Variants in RYR3 observed in about 807,000 individuals in gnomAD.
RYR3 encodes the protein brain ryanodine receptor-calcium release channel.
Under a neutral mutation model 584.3 loss-of-function variants are expected in RYR3, and 207 were observed. That is an observed-to-expected ratio of 0.35 (90% confidence interval 0.32 to 0.40). The LOEUF (loss-of-function observed/expected upper bound fraction) is 0.40, where lower values mean the gene tolerates loss of function less well. Ranked by LOEUF, RYR3 falls within the 10% of genes least tolerant of loss-of-function variation. The pLI is 1.00. For missense variants in RYR3, 5,616 were observed against 6,089.2 expected, an observed-to-expected ratio of 0.92 and a Z score of 2.59; for synonymous variants, 2,416 against 2,248.5, an observed-to-expected ratio of 1.07 and a Z score of -2.11.
At chr15:33,428,326 G>A (rs1456150502) in intron 1 of RYR3, among the ~76,000 whole-genome samples, 1 of 152,152 alleles carries the variant, frequency 6.6e-6, no homozygotes, top group African/African-American at 2.4e-5. Context: ...GCTCTCTTGG[G>A]TTTAAAAAGC....
chr15:33,444,159 T>C (rs1474860138), intron 1 of RYR3, among the ~76,000 whole-genome samples: 1 of 152,178 alleles, frequency 6.6e-6, no homozygotes, highest in Non-Finnish European at 1.5e-5. Flanking sequence ...ATGGGTTCCC[T>C]GTGGGGTTCG....
At chr15:33,526,094 T>G (rs2054363016) in intron 3 of RYR3, among the ~76,000 whole-genome samples, 1 of 152,136 alleles carries the variant, frequency 6.6e-6, no homozygotes, top group Non-Finnish European at 1.5e-5. Flanking sequence ...TTAAAGGAAG[T>G]TAGTTTGGAG....
chr15:33,666,727 G>A (rs932721613), intron 36 of RYR3, among the ~76,000 whole-genome samples: 2 of 152,216 alleles, frequency 1.3e-5, no homozygotes, highest in Non-Finnish European at 2.9e-5. Flanking sequence ...AAGTACAAAA[G>A]AAGGTAAAAC....
intron 102 of RYR3, among the ~76,000 whole-genome samples, chr15:33,861,674 G>C (rs1236025512): frequency 3.3e-5 from 5 of 152,044 alleles, no homozygotes; most frequent in Admixed American, 6.5e-5. Flanking sequence ...ATAATATTGG[G>C]TCTTGTCAAA....
chr15:33,688,592 G>A (rs60232717), intron 38 of RYR3, among the ~76,000 whole-genome samples: 111 of 130,212 alleles, frequency 8.5e-4, no homozygotes, highest in Middle Eastern at 4.2e-3. Flanking sequence ...AAAAAAAAAA[G>A]ACATTTATGC....
At chr15:33,825,557 C>A in intron 81 of RYR3, 46 bp from the exon 82 acceptor site, 2 of 1,273,492 alleles carry the variant, frequency 1.6e-6, no homozygotes, top group Non-Finnish European at 2.3e-6. Flanking sequence ...ATCTGCTTTC[C>A]CAGCGTGCGT....
chr15:33,783,029 C>T (rs2074476767), intron 65 of RYR3, among the ~76,000 whole-genome samples: 3 of 152,128 alleles, frequency 2.0e-5, no homozygotes, highest in African/African-American at 7.2e-5. Context: ...GTTGATTATT[C>T]CAATTCTAAT....
intron 1 of RYR3, among the ~76,000 whole-genome samples, chr15:33,376,770 T>G (rs753017529): frequency 6.6e-6 from 1 of 152,238 alleles, no homozygotes; most frequent in Non-Finnish European, 1.5e-5. Context: ...CATCCATGTC[T>G]GTGAGCCATT....
At chr15:33,572,576 T>C (rs1307551822) in intron 12 of RYR3, among the ~76,000 whole-genome samples, 2 of 149,236 alleles carry the variant, frequency 1.3e-5, no homozygotes, top group Non-Finnish European at 3.0e-5. Context: ...GGGAGGGAGA[T>C]GGAAGCATCA....
chr15:33,648,005 A>G (rs2062204316), intron 30 of RYR3, among the ~76,000 whole-genome samples: 1 of 151,706 alleles, frequency 6.6e-6, no homozygotes. Flanking sequence ...AAAAAAAAAA[A>G]AAAAGCCTGT....
At chr15:33,434,346 TAG>T (rs1258383714) in intron 1 of RYR3, among the ~76,000 whole-genome samples, 2 of 152,212 alleles carry the variant, frequency 1.3e-5, no homozygotes, top group Non-Finnish European at 2.9e-5. Flanking sequence ...CCTGTGCTTA[TAG>T]TTTGTATTAG....
intron 67 of RYR3, among the ~76,000 whole-genome samples, chr15:33,796,426 G>A (rs1049060617): frequency 2.0e-5 from 3 of 151,622 alleles, no homozygotes; most frequent in African/African-American, 4.9e-5. Flanking sequence ...GAGCCACCGC[G>A]ACCAGCCCCA....
rs1033249132 is a variant in RYR3, at chr15:33,840,963, A to T, written c.13037+80A>T. 7.0e-5 allele frequency: 91 copies of T among 1,298,596 alleles called. No individual in the cohort carries two copies. In the Admixed American group the frequency reaches 8.9e-4, roughly 13 times the overall value. The allele number at this position is 1,298,596 out of a possible 1,614,324, so 80.4% of individuals were successfully genotyped here. A position where few individuals can be genotyped will look rare whatever the true frequency, so the allele number is the denominator to read the frequency against. On this transcript the variant is annotated intron_variant, in intron 90 of 103. Transcript: ENST00000634891. Reference sequence around the variant, plus strand: ...CCAGGCAGAGTGGCTCGCACCTGTAATCCCAGCACTTTGAGAGGCTGAGGC... The same window carrying T: ...CCAGGCAGAGTGGCTCGCACCTGTATTCCCAGCACTTTGAGAGGCTGAGGC...
chr15:33,636,321 C>A, intron 26 of RYR3, 55 bp from the exon 27 acceptor site: 1 of 1,463,232 alleles, frequency 6.8e-7, no homozygotes, highest in Non-Finnish European at 9.5e-7. Context: ...ATTTCTCCAG[C>A]TGCTGGGGCC....
intron 65 of RYR3, 26 bp downstream of exon 65, chr15:33,780,367 C>T (rs1442515484): frequency 6.2e-7 from 1 of 1,611,090 alleles, no homozygotes. Flanking sequence ...CAAAGGTCAT[C>T]AACCCATTTC....
chr15:33,370,853 T>C (rs2040281483), intron 1 of RYR3, among the ~76,000 whole-genome samples: 1 of 152,138 alleles, frequency 6.6e-6, no homozygotes, highest in African/African-American at 2.4e-5. Flanking sequence ...TCTAGAGCAG[T>C]AGCATTTAGA....
intron 10 of RYR3, among the ~76,000 whole-genome samples, chr15:33,552,284 C>A (rs1390626019): frequency 6.6e-6 from 1 of 152,144 alleles, no homozygotes. Context: ...AAGCTCAGAG[C>A]CCCATAGAGA....
intron 12 of RYR3, among the ~76,000 whole-genome samples, chr15:33,574,604 C>T (rs1294612685): frequency 6.6e-6 from 1 of 152,172 alleles, no homozygotes; most frequent in African/African-American, 2.4e-5. Context: ...CCATTGCATG[C>T]ACTTGGCATT....
intron 2 of RYR3, among the ~76,000 whole-genome samples, chr15:33,501,637 G>A (rs1371587036): frequency 6.6e-6 from 1 of 152,132 alleles, no homozygotes; most frequent in East Asian, 1.9e-4. Flanking sequence ...ATTCAGGTAG[G>A]CAGAGTGGTA....
Sources: allele counts gnomAD v4.1 joint callset (sites outside exome capture counted in the v4.1 genomes callset), GRCh38; gene constraint gnomAD v4.1.1; transcripts MANE v1.5; gene names NCBI Gene and HGNC (gene_info 2026-07-23, HGNC 2026-07-21).